The following FXYD2 variants were observed in gnomAD, a reference collection of about 807,000 sequenced individuals.
FXYD2 encodes sodium/potassium-transporting ATPase subunit gamma.
In FXYD2, 8 loss-of-function variants were observed where a neutral mutation model predicts 11.8. That is an observed-to-expected ratio of 0.68 (90% CI 0.40 to 1.22). The LOEUF (loss-of-function observed/expected upper bound fraction) is 1.22. FXYD2 is among the 50% of genes most tolerant of loss of function. The probability of loss-of-function intolerance (pLI) is 0.01; values close to 1 mark genes in which losing one functional copy is unlikely to be tolerated. For missense variants in FXYD2, 92 were observed against 91.8 expected (o/e 1.00, Z -0.01); for synonymous variants, 42 against 33.3 (o/e 1.26, Z -0.90).
chr11:117,822,460 C>T lies in FXYD2; in HGVS notation c.85G>A (p.Gly29Arg), dbSNP rs1004778370. The T allele has an allele frequency of 3.8e-6, 6 of 1,562,478 alleles. No homozygotes were observed. In the African/African-American group the frequency reaches 6.8e-5, roughly 18 times the overall value. ...FYYDYETVRN[G>R]GLIFAGLAFI... Reference sequence around the variant, plus strand: ...GCCAGTCCAGCGAAGATCAGGCCCCCATTGCGAACGGTCTCATAGTCTCCG... The same window carrying T: ...GCCAGTCCAGCGAAGATCAGGCCCCTATTGCGAACGGTCTCATAGTCTCCG... The change falls in exon 3 of 6, where the codon GGG (glycine) becomes AGG (arginine). Residue 29 changes from glycine (G) to arginine (R), a missense_variant. Coordinates refer to ENST00000292079, the MANE Select transcript of FXYD2 (RefSeq NM_001680.5). The surrounding 1 kb of genome is among the most constrained non-coding windows in gnomAD (Gnocchi z 4.7).
chr11:117,822,200 G>C lies in FXYD2; in HGVS notation c.139+206C>G. On this transcript the variant is annotated intron_variant, in intron 3 of 5. Coordinates refer to ENST00000292079, the MANE Select transcript of FXYD2 (RefSeq NM_001680.5). The surrounding 1 kb of genome is among the most constrained non-coding windows in gnomAD (Gnocchi z 4.7). ...GCGGCTCCTCCCGGGCCCACTGGAG[G>C]GTGCACTTGAGCAAGCAGGAACCTC... The C allele has an allele frequency of 6.9e-7, 1 of 1,459,714 alleles. No individual in the cohort carries two copies. Among genetic ancestry groups the C allele is most frequent in the Admixed American group, 2.2e-5 (1 of 44,472 alleles). The allele number at this position is 1,459,714 out of a possible 1,614,324, so 90.4% of individuals were successfully genotyped here.
upstream of FXYD2, among the ~76,000 whole-genome samples, chr11:117,827,100 ATAGATAG>A (rs1591539065): frequency 8.7e-6 from 1 of 114,906 alleles, no homozygotes; most frequent in Non-Finnish European, 1.9e-5. Context: ...AGATAGATAG[ATAGATAG>A]ATAGATAGAT....
In FXYD2 at chr11:117,824,359, T is replaced by G. The variant is rs1255828186; in HGVS notation, c.25+295A>C. 1.8e-6 allele frequency: 1 copy of G among 549,068 alleles called. No homozygotes were observed. The highest frequency in any genetic ancestry group is 3.3e-6 in the Non-Finnish European group (1 of 305,296). The allele number at this position is 549,068 out of a possible 1,614,324, so 34.0% of individuals were successfully genotyped here. A position where few individuals can be genotyped will look rare whatever the true frequency, so the allele number is the denominator to read the frequency against. ...CCCAAGTTCAGACGGTCTAGCAAGA[T>G]GCATTGAACTCAGGGCGGGTGTGTG... On this transcript the variant is annotated intron_variant, in intron 1 of 5. Coordinates refer to ENST00000292079, the MANE Select transcript of FXYD2 (RefSeq NM_001680.5). This position sits in a 1 kb window ranked among gnomAD's most constrained non-coding sequence, Gnocchi z 4.0.
upstream of FXYD2, among the ~76,000 whole-genome samples, chr11:117,827,437 C>T (rs559584406): frequency 3.7e-3 from 559 of 152,218 alleles, no homozygotes; most frequent in African/African-American, 0.012. Flanking sequence ...TTAGTAGAGA[C>T]GGGGTTTCAC....
chr11:117,827,312 C>T (rs535729404), upstream of FXYD2, among the ~76,000 whole-genome samples: 19 of 152,274 alleles, frequency 1.2e-4, no homozygotes, highest in South Asian at 4.1e-4. Context: ...TGCAATGGTG[C>T]GATCTCGACT....
rs745497369 is a variant in FXYD2 at position 117,824,626 on chromosome 11, G to T, written c.25+28C>A. The T allele has an allele frequency of 1.1e-5, 17 of 1,594,434 alleles. No homozygotes were observed. In the East Asian group the frequency reaches 2.5e-4, roughly 23 times the overall value. Reference sequence around the variant, plus strand: ...ATCAGAGCCACCCAGCATTGCACACGCCCGGGCACGCACACCAGCACACTC... The same window carrying T: ...ATCAGAGCCACCCAGCATTGCACACTCCCGGGCACGCACACCAGCACACTC... On this transcript the variant is annotated intron_variant, in intron 1 of 5. Coordinates refer to ENST00000292079, the MANE Select transcript of FXYD2 (RefSeq NM_001680.5). This position sits in a 1 kb window ranked among gnomAD's most constrained non-coding sequence, Gnocchi z 4.0.
At chr11:117,823,754 G>T (rs1048193039) in intron 1 of FXYD2, among the ~76,000 whole-genome samples, 1 of 152,202 alleles carries the variant, frequency 6.6e-6, no homozygotes, top group African/African-American at 2.4e-5. Flanking sequence ...GAAGGAACGC[G>T]CAAGTTAGCA....
intron 1 of FXYD2, among the ~76,000 whole-genome samples, chr11:117,823,677 A>G (rs4936409): frequency 0.54 from 81,922 of 152,152 alleles, 23,420 homozygotes; most frequent in African/African-American, 0.75. Flanking sequence ...TGCCACAGCT[A>G]AGGGCCGCTA....
chr11:117,821,926 G>T (rs964977442), intron 3 of FXYD2: 2 of 1,031,010 alleles, frequency 1.9e-6, no homozygotes. Context: ...CTCCTGCTGT[G>T]TGCCCCTCGG....
chr11:117,820,426 TTTACTTC>T (rs2055869926), intron 5 of FXYD2, 54 bp from the exon 6 acceptor site: 28 of 574,976 alleles, frequency 4.9e-5, no homozygotes, highest in Non-Finnish European at 7.9e-5. Context: ...AGGTTGGGGT[TTTACTTC>T]CCCCTTGTCC....
upstream of FXYD2, among the ~76,000 whole-genome samples, chr11:117,825,114 G>A (rs572403396): frequency 7.9e-5 from 12 of 152,308 alleles, no homozygotes; most frequent in East Asian, 3.9e-4. Flanking sequence ...AGGGCCCACC[G>A]CACCAGCCAC....
chr11:117,820,677 G>GAGGTAT lies in FXYD2; in HGVS notation c.195_196insATACCT (p.Glu65_Pro66insIlePro), dbSNP rs781036200. ...CCCTCCTAGCATACCTGCTGTTACG[G>GAGGTAT]CTCATCTTCATTGATTTGCCTGGTG... is the stretch of plus-strand genomic sequence containing the variant. On this transcript the variant is annotated inframe_insertion, in exon 5 of 6. Coordinates refer to ENST00000292079, the MANE Select transcript of FXYD2 (RefSeq NM_001680.5). 6.2e-7 allele frequency: 1 copy of GAGGTAT among 1,613,964 alleles called. No homozygotes were observed. Among genetic ancestry groups the GAGGTAT allele is most frequent in the African/African-American group, 1.3e-5 (1 of 75,006 alleles).
chr11:117,825,108 C>T (rs2056005653), upstream of FXYD2, among the ~76,000 whole-genome samples: 1 of 152,158 alleles, frequency 6.6e-6, no homozygotes, highest in African/African-American at 2.4e-5. Context: ...CCAGGCAGGG[C>T]CCACCGCACC....
Position 117,824,739 on chromosome 11 carries a change from GTGTC to G in FXYD2, c.-65_-62del, listed in dbSNP as rs2055998751. The stretch of plus-strand genomic sequence containing the variant: ...TCCTGCTGTCTCTGCTTTTTGGAGA[GTGTC>G]TGGCTGCCTCCACGGGGTGGCCGGG... On this transcript the variant is annotated 5_prime_UTR_variant, in exon 1 of 6. Coordinates refer to ENST00000292079, the MANE Select transcript of FXYD2 (RefSeq NM_001680.5). The surrounding 1 kb of genome is among the most constrained non-coding windows in gnomAD (Gnocchi z 4.0). The G allele has an allele frequency of 3.1e-6, 5 of 1,605,124 alleles. No homozygotes were observed. Among genetic ancestry groups the G allele is most frequent in the Non-Finnish European group, 4.3e-6 (5 of 1,176,038 alleles).
chr11:117,824,877 G>A (rs1219113398), upstream of FXYD2: 8 of 700,972 alleles, frequency 1.1e-5, no homozygotes, highest in Middle Eastern at 8.6e-4. The surrounding 1 kb of genome is among the most constrained non-coding windows in gnomAD (Gnocchi z 4.0). Flanking sequence ...GAGGACGTGC[G>A]TGGGGAGGCA....
upstream of FXYD2, chr11:117,827,856 C>G: frequency 1.4e-6 from 1 of 725,828 alleles, no homozygotes; most frequent in South Asian, 1.5e-5. Context: ...TGGAGATGCT[C>G]TTTTTTGGAA....
rs2055932804 is a variant in FXYD2 at position 117,822,537 on chromosome 11, C to G, written c.65-57G>C. The stretch of plus-strand genomic sequence containing the variant: ...GGGTGGTCTCTCCCAGCAGCTGTCT[C>G]TCTCCGCAGCCTGCCCGCAGCAGCC... On this transcript the variant is annotated intron_variant, in intron 2 of 5. Coordinates refer to ENST00000292079, the MANE Select transcript of FXYD2 (RefSeq NM_001680.5). The surrounding 1 kb of genome is among the most constrained non-coding windows in gnomAD (Gnocchi z 4.7). 5 of 1,555,976 alleles carry G rather than the reference C, an allele frequency of 3.2e-6. No homozygotes were observed. Among genetic ancestry groups the G allele is most frequent in the Middle Eastern group, 1.7e-4 (1 of 6,016 alleles).
upstream of FXYD2, among the ~76,000 whole-genome samples, chr11:117,826,794 A>G (rs201220350): frequency 0.1 from 14,093 of 137,474 alleles, 887 homozygotes; most frequent in East Asian, 0.2. Context: ...CTATCTATCT[A>G]TCTATCTATC....
upstream of FXYD2, among the ~76,000 whole-genome samples, chr11:117,827,510 A>G (rs2056070354): frequency 6.6e-6 from 1 of 152,240 alleles, no homozygotes; most frequent in Non-Finnish European, 1.5e-5. Context: ...TGGCCTCCCA[A>G]AGTGCTGGAA....
Sources: allele counts gnomAD v4.1 joint callset (sites outside exome capture counted in the v4.1 genomes callset), GRCh38; gene constraint gnomAD v4.1.1; non-coding constraint Gnocchi (gnomAD v3.1); transcripts MANE v1.5; gene names NCBI Gene and HGNC (gene_info 2026-07-23, HGNC 2026-07-21).